Variants in JAKMIP1 observed in about 807,000 individuals in gnomAD.
JAKMIP1 encodes the protein janus kinase and microtubule-interacting protein 1.
A neutral mutation model predicts 113.0 loss-of-function variants in JAKMIP1; 33 were observed. That is an observed-to-expected ratio of 0.29 (90% CI 0.22 to 0.39). JAKMIP1 has a LOEUF of 0.39. Among genes scored for constraint, JAKMIP1 ranks in the 10% least tolerant of loss-of-function variants. JAKMIP1 has a pLI of 1.00. For missense variants in JAKMIP1, 813 were observed against 1,080.5 expected, an observed-to-expected ratio of 0.75 and a Z score of 3.47; for synonymous variants, 480 against 459.9, an observed-to-expected ratio of 1.04 and a Z score of -0.56.
chr4:6,109,124 CTTTTTTT>C (rs71173408), intron 2 of JAKMIP1, among the ~76,000 whole-genome samples: 287 of 96,872 alleles, frequency 3.0e-3, no homozygotes, highest in African/African-American at 0.011. Context: ...CCTGGGGCAC[CTTTTTTT>C]TTTTTTTTTT....
chr4:6,129,947 A>C lies in JAKMIP1; in HGVS notation c.-147-16950T>G, dbSNP rs142368802. 4.8e-3 allele frequency among the ~76,000 whole-genome samples: 733 copies of C among 152,242 alleles called. No individual in the cohort carries two copies. The highest frequency in any genetic ancestry group is 6.8e-3 in the Middle Eastern group (2 of 294). ...CAACAGCCTCCTTCTCCTGGTCCTA[A>C]CAAGTCCATCTTGATATGTCCCAGT... On this transcript the variant is annotated intron_variant, in intron 1 of 20. Coordinates refer to ENST00000409021, the MANE Select transcript of JAKMIP1 (RefSeq NM_001099433.2). This position sits in a 1 kb window ranked among gnomAD's most constrained non-coding sequence, Gnocchi z 5.4.
chr4:6,046,931 C>T lies in JAKMIP1; in HGVS notation c.2028+1926G>A, dbSNP rs1715076698. ...CCCCTGCCCCAGCCCCAGGACGAAC[C>T]AGCCACCCTGAGTCACCAGCAGGTT... is the stretch of plus-strand genomic sequence containing the variant. On this transcript the variant is annotated intron_variant, in intron 16 of 20. Coordinates refer to ENST00000409021, the MANE Select transcript of JAKMIP1 (RefSeq NM_001099433.2). Among the ~76,000 whole-genome samples, 3 of 152,226 alleles carry T rather than the reference C, an allele frequency of 2.0e-5. No homozygotes were observed. In the South Asian group the frequency reaches 6.2e-4, roughly 31 times the overall value.
In JAKMIP1 at chr4:6,065,339, T is replaced by C. The variant is rs1232702193; in HGVS notation, c.1303-331A>G. Among the ~76,000 whole-genome samples the C allele has an allele frequency of 1.3e-5, 2 of 152,186 alleles. No homozygotes were observed. The highest frequency in any genetic ancestry group is 2.9e-5 in the Non-Finnish European group (2 of 68,038). On this transcript the variant is annotated intron_variant, in intron 8 of 20. Transcript: ENST00000409021. This position sits in a 1 kb window ranked among gnomAD's most constrained non-coding sequence, Gnocchi z 5.1. The stretch of plus-strand genomic sequence containing the variant: ...ATGGATTGAGAAGCCACCTCACCTG[T>C]GAGCACAAAAGGGGGCCATGCATGC...
At chr4:6,132,598 C>T (rs1469281144) in intron 1 of JAKMIP1, among the ~76,000 whole-genome samples, 1 of 149,236 alleles carries the variant, frequency 6.7e-6, no homozygotes, top group Non-Finnish European at 1.5e-5. Flanking sequence ...GCTGAGATCT[C>T]ACCACTGCAC....
chr4:6,075,173 C>G (rs1239150667), intron 8 of JAKMIP1, among the ~76,000 whole-genome samples: 1 of 116,988 alleles, frequency 8.5e-6, no homozygotes, highest in Non-Finnish European at 2.2e-5. Context: ...CATCTCAAAA[C>G]AAAAAGAAAA....
chr4:6,194,950 G>A lies in JAKMIP1; in HGVS notation c.-148+5303C>T, dbSNP rs919043485. Among the ~76,000 whole-genome samples, 6 of 152,124 alleles carry A rather than the reference G, an allele frequency of 3.9e-5. No individual in the cohort carries two copies. The highest frequency in any genetic ancestry group is 1.9e-4 in the East Asian group (1 of 5,192). Reference sequence around the variant, plus strand: ...ACAGGCTGACCTAACACAAGTGGGCGGTGGTGCCCAACAAAGGGACCCGCC... The same window carrying A: ...ACAGGCTGACCTAACACAAGTGGGCAGTGGTGCCCAACAAAGGGACCCGCC... On this transcript the variant is annotated intron_variant, in intron 1 of 20. Coordinates refer to ENST00000409021, the MANE Select transcript of JAKMIP1 (RefSeq NM_001099433.2). The surrounding 1 kb of genome is among the most constrained non-coding windows in gnomAD (Gnocchi z 7.4).
rs1319574762 is a variant in JAKMIP1, at chr4:6,143,952, C to G, written c.-147-30955G>C. 6.6e-6 allele frequency among the ~76,000 whole-genome samples: 1 copy of G among 152,202 alleles called. No homozygotes were observed. The highest frequency in any genetic ancestry group is 1.5e-5 in the Non-Finnish European group (1 of 68,042). On this transcript the variant is annotated intron_variant, in intron 1 of 20. Coordinates refer to ENST00000409021, the MANE Select transcript of JAKMIP1 (RefSeq NM_001099433.2). This position sits in a 1 kb window ranked among gnomAD's most constrained non-coding sequence, Gnocchi z 4.9. ...GTCTCCAGGGCTGGAGCAGGGACCA[C>G]AGCATCTGCCTCACAGGCATGCCAG...
Position 6,156,351 on chromosome 4 carries a change from C to T in JAKMIP1, c.-147-43354G>A, listed in dbSNP as rs1722239098. Among the ~76,000 whole-genome samples the T allele has an allele frequency of 6.6e-6, 1 of 152,166 alleles. No individual in the cohort carries two copies. The highest frequency in any genetic ancestry group is 2.4e-5 in the African/African-American group (1 of 41,436). ...CATCATTTAATGAATAGCACTTTTT[C>T]CCATTTCTTTAGTGGTACAAAAATA... On this transcript the variant is annotated intron_variant, in intron 1 of 20. Transcript: ENST00000409021. This position sits in a 1 kb window ranked among gnomAD's most constrained non-coding sequence, Gnocchi z 5.0.
Position 6,031,444 on chromosome 4 carries a change from G to C in JAKMIP1, c.2380-1663C>G, listed in dbSNP as rs1041361295. ...TAAATAAATAAAGAGGCATGAGGAG[G>C]GGTGAGGTATCGTGCCGTGGGCTGG... On this transcript the variant is annotated intron_variant, in intron 19 of 20. Coordinates refer to ENST00000409021, the MANE Select transcript of JAKMIP1 (RefSeq NM_001099433.2). This position sits in a 1 kb window ranked among gnomAD's most constrained non-coding sequence, Gnocchi z 4.4. Among the ~76,000 whole-genome samples the C allele has an allele frequency of 6.6e-6, 1 of 152,126 alleles. No homozygotes were observed.
At chr4:6,090,111 A>G (rs1721836069) in intron 3 of JAKMIP1, among the ~76,000 whole-genome samples, 1 of 152,046 alleles carries the variant, frequency 6.6e-6, no homozygotes, top group Non-Finnish European at 1.5e-5. Context: ...AATCCCAGCT[A>G]TTAGGGAGGC....
chr4:6,053,936 C>A, intron 13 of JAKMIP1, 114 bp downstream of exon 13: 3 of 1,562,476 alleles, frequency 1.9e-6, no homozygotes, highest in Admixed American at 2.0e-5. Context: ...GAAACTATAA[C>A]ATGTCCCCTT....
chr4:6,176,343 G>A lies in JAKMIP1; in HGVS notation c.-148+23910C>T, dbSNP rs1725337531. ...GTTTAGGCTGTGTCCTGGTCTGGTG[G>A]GGTATGAAGATCCCTGAGGTGAACC... On this transcript the variant is annotated intron_variant, in intron 1 of 20. Transcript: ENST00000409021. The surrounding 1 kb of genome is among the most constrained non-coding windows in gnomAD (Gnocchi z 5.5). Among the ~76,000 whole-genome samples the A allele has an allele frequency of 1.3e-5, 2 of 152,312 alleles. No individual in the cohort carries two copies. The highest frequency in any genetic ancestry group is 2.1e-4 in the South Asian group (1 of 4,824).
Position 6,067,200 on chromosome 4 carries a change from G to A in JAKMIP1, c.1303-2192C>T, listed in dbSNP as rs1578140285. Among the ~76,000 whole-genome samples, 5 of 152,304 alleles carry A rather than the reference G, an allele frequency of 3.3e-5. 1 individual carries two copies. The highest frequency in any genetic ancestry group is 3.3e-4 in the Admixed American group (5 of 15,304). ...TGAAATGGAAGCTCCATGAAGACAG[G>A]GGGTTGGCCCTTTTGTTCTCGACTG... On this transcript the variant is annotated intron_variant, in intron 8 of 20. Transcript: ENST00000409021. The surrounding 1 kb of genome is among the most constrained non-coding windows in gnomAD (Gnocchi z 4.6).
At position 6,067,292 on chromosome 4, in the gene JAKMIP1, C is replaced by T. The variant is rs1578140470; in HGVS notation, c.1303-2284G>A. 6.6e-6 allele frequency among the ~76,000 whole-genome samples: 1 copy of T among 152,224 alleles called. No individual in the cohort carries two copies. Among genetic ancestry groups the T allele is most frequent in the Non-Finnish European group, 1.5e-5 (1 of 68,042 alleles). On this transcript the variant is annotated intron_variant, in intron 8 of 20. Transcript: ENST00000409021. The surrounding 1 kb of genome is among the most constrained non-coding windows in gnomAD (Gnocchi z 4.6). ...ATCCACAAACAGATTTTGTTTTGCA[C>T]ATGACACCATTTCCATTCATTCACA...
chr4:6,039,476 G>A (rs71599869), intron 18 of JAKMIP1, among the ~76,000 whole-genome samples: 16,781 of 151,922 alleles, frequency 0.11, 1,123 homozygotes, highest in African/African-American at 0.18. Flanking sequence ...GAGTTTTTTT[G>A]GAAAACACTA....
intron 16 of JAKMIP1, among the ~76,000 whole-genome samples, chr4:6,043,578 C>T (rs1001775146): frequency 6.6e-6 from 1 of 152,146 alleles, no homozygotes; most frequent in Admixed American, 6.5e-5. Context: ...TGCCAGGACC[C>T]CTGATGGGGA....
At position 6,049,208 on chromosome 4, in the gene JAKMIP1, G is replaced by A. The variant is rs1715359255; in HGVS notation, c.1963-286C>T. 2.0e-5 allele frequency among the ~76,000 whole-genome samples: 3 copies of A among 152,142 alleles called. No individual in the cohort carries two copies. The highest frequency in any genetic ancestry group is 2.0e-4 in the Admixed American group (3 of 15,272). On this transcript the variant is annotated intron_variant, in intron 15 of 20. Transcript: ENST00000409021. This position sits in a 1 kb window ranked among gnomAD's most constrained non-coding sequence, Gnocchi z 7.0. The stretch of plus-strand genomic sequence containing the variant: ...ACACCACCACACCTGGATAGTTTTT[G>A]TATTTTTAGCAGAGACAGGGTTTCG...
chr4:6,043,860 C>T (rs1441236944), intron 16 of JAKMIP1, among the ~76,000 whole-genome samples: 3 of 152,108 alleles, frequency 2.0e-5, no homozygotes, highest in Non-Finnish European at 4.4e-5. Context: ...ACAACACTGG[C>T]AAGGCCCCAG....
chr4:6,161,062 C>T lies in JAKMIP1; in HGVS notation c.-148+39191G>A, dbSNP rs117417425. ...ACTCACCTCCCCAACCTCCACTCAC[C>T]TCCTCTGATCTCCACTCACCTCCTC... is the stretch of plus-strand genomic sequence containing the variant. On this transcript the variant is annotated intron_variant, in intron 1 of 20. Transcript: ENST00000409021. Among the ~76,000 whole-genome samples, 1,263 of 148,294 alleles carry T rather than the reference C, an allele frequency of 8.5e-3. 49 individuals carry two copies. The highest frequency in any genetic ancestry group is 0.062 in the Admixed American group (905 of 14,602).
Sources: gnomAD v4.1 joint callset for allele counts (sites outside exome capture counted in the v4.1 genomes callset) on GRCh38, gnomAD v4.1.1 for gene constraint, Gnocchi (gnomAD v3.1) non-coding constraint, MANE v1.5 for transcripts, NCBI Gene and HGNC (gene_info 2026-07-23, HGNC 2026-07-21) for gene names.